RALGAPA2: variants seen among roughly 807,000 people sequenced by gnomAD.
RALGAPA2 encodes the protein ral GTPase-activating protein subunit alpha-2.
RALGAPA2 carries 139 observed loss-of-function variants against 230.4 expected under a neutral mutation model. That is an observed-to-expected ratio of 0.60 (90% CI 0.53 to 0.69). RALGAPA2 has a LOEUF of 0.69. Among genes scored for constraint, RALGAPA2 ranks in the 30% least tolerant of loss-of-function variants. The pLI is 0.00. For missense variants in RALGAPA2, 2,163 were observed against 2,276.0 expected, an observed-to-expected ratio of 0.95 and a Z score of 1.01; for synonymous variants, 847 against 837.8, an observed-to-expected ratio of 1.01 and a Z score of -0.19.
Position 20,639,839 on chromosome 20 carries a change from A to G in RALGAPA2, c.612T>C (p.Ala204=), listed in dbSNP as rs780161558. Residue 204 remains alanine (A), a synonymous_variant, in exon 7 of 40, where the codon GCT becomes GCC. Transcript: ENST00000202677. ...GAAGAAAAAAGCAGGTTTGGTCCTCAGCAATCTTCTCCCCTGATATGGCTG... is the reference window on the plus strand; with the variant it reads ...GAAGAAAAAAGCAGGTTTGGTCCTCGGCAATCTTCTCCCCTGATATGGCTG... The part of the protein sequence containing the change: ...LLPAISGEKI[A]EDQTCFFLQI... The G allele has an allele frequency of 6.2e-7, 1 of 1,613,838 alleles. No individual in the cohort carries two copies. Among genetic ancestry groups the G allele is most frequent in the Non-Finnish European group, 8.5e-7 (1 of 1,179,736 alleles).
intron 1 of RALGAPA2, among the ~76,000 whole-genome samples, chr20:20,698,035 A>G (rs1031958462): frequency 6.6e-6 from 1 of 152,138 alleles, no homozygotes; most frequent in Non-Finnish European, 1.5e-5. Flanking sequence ...AAATGTACTC[A>G]ACATATACTA....
chr20:20,433,322 A>G (rs1027920419), intron 37 of RALGAPA2, among the ~76,000 whole-genome samples: 3 of 152,232 alleles, frequency 2.0e-5, no homozygotes, highest in Non-Finnish European at 4.4e-5. Context: ...TAATTTAACC[A>G]GAGCCCAAAA....
At chr20:20,459,342 G>A (rs530016587) in intron 37 of RALGAPA2, among the ~76,000 whole-genome samples, 1 of 151,530 alleles carries the variant, frequency 6.6e-6, no homozygotes, top group African/African-American at 2.4e-5. Context: ...ATGTCATAAT[G>A]TACTAGTAAA....
At chr20:20,394,406 G>A (rs2328511) in intron 39 of RALGAPA2, among the ~76,000 whole-genome samples, 88,715 of 151,898 alleles carry the variant, frequency 0.58, 26,303 homozygotes, top group East Asian at 0.65. Flanking sequence ...AGCCGGGCGC[G>A]GTGGGCGGAT....
chr20:20,470,036 C>T (rs1569426059), intron 37 of RALGAPA2, among the ~76,000 whole-genome samples: 1 of 152,118 alleles, frequency 6.6e-6, no homozygotes, highest in Non-Finnish European at 1.5e-5. Context: ...AAAGATACCC[C>T]TACTGTGCTT....
At chr20:20,501,937 C>T (rs539098148) in intron 35 of RALGAPA2, among the ~76,000 whole-genome samples, 5 of 152,162 alleles carry the variant, frequency 3.3e-5, no homozygotes, top group Admixed American at 2.0e-4. Flanking sequence ...CAGAACACAC[C>T]GAACATGTAT....
chr20:20,539,640 C>T (rs1459258631), intron 24 of RALGAPA2, among the ~76,000 whole-genome samples: 2 of 152,260 alleles, frequency 1.3e-5, no homozygotes, highest in South Asian at 4.1e-4. Context: ...TTGAGATCTA[C>T]TCTCTTAGCA....
chr20:20,569,729 C>T (rs527481001), intron 23 of RALGAPA2, among the ~76,000 whole-genome samples: 28 of 152,152 alleles, frequency 1.8e-4, no homozygotes, highest in African/African-American at 6.7e-4. Flanking sequence ...CACATCAACA[C>T]ATCTTAAAAT....
At chr20:20,667,580 T>C (rs2067997980) in intron 3 of RALGAPA2, among the ~76,000 whole-genome samples, 1 of 152,224 alleles carries the variant, frequency 6.6e-6, no homozygotes, top group African/African-American at 2.4e-5. Context: ...TTTCTCTGTA[T>C]GTCCTAGAAG....
intron 1 of RALGAPA2, among the ~76,000 whole-genome samples, chr20:20,689,554 A>T (rs2068826869): frequency 6.6e-6 from 1 of 152,210 alleles, no homozygotes. Flanking sequence ...AGGCAGGAGA[A>T]TCACTTGAAC....
intron 10 of RALGAPA2, among the ~76,000 whole-genome samples, chr20:20,626,813 CACTT>C (rs2066502212): frequency 6.6e-6 from 1 of 152,208 alleles, no homozygotes; most frequent in Admixed American, 6.5e-5. Context: ...CAGCCATCCT[CACTT>C]GTTACATGTA....
At chr20:20,615,247 G>A (rs1357064014) in intron 13 of RALGAPA2, among the ~76,000 whole-genome samples, 2 of 148,926 alleles carry the variant, frequency 1.3e-5, no homozygotes, top group Non-Finnish European at 3.0e-5. Context: ...TGCAACCTCC[G>A]CCTTCCGGGT....
intron 31 of RALGAPA2, among the ~76,000 whole-genome samples, chr20:20,515,678 C>T (rs1015201465): frequency 8.5e-5 from 13 of 152,226 alleles, no homozygotes; most frequent in Non-Finnish European, 1.9e-4. Flanking sequence ...TTCTCAGTCT[C>T]CAGCATGAAC....
In RALGAPA2 at chr20:20,536,743, G is replaced by C. The variant is rs2063508056; in HGVS notation, c.3327C>G (p.Val1109=). The C allele has an allele frequency of 1.2e-6, 2 of 1,612,888 alleles. No individual in the cohort carries two copies. Among genetic ancestry groups the C allele is most frequent in the South Asian group, 2.2e-5 (2 of 91,012 alleles). Residue 1109 remains valine (V), a synonymous_variant, in exon 25 of 40, where the codon GTC becomes GTG. Coordinates refer to ENST00000202677, the MANE Select transcript of RALGAPA2 (RefSeq NM_020343.4). ...TCTCCTGGTAGGTATTTGGAAAGCAGACCAGAGAGCCGAGGACAGTGACAG... is the reference window on the plus strand; with the variant it reads ...TCTCCTGGTAGGTATTTGGAAAGCACACCAGAGAGCCGAGGACAGTGACAG... ...SEAVTVLGSL[V]CFPNTYQEIP...
intron 24 of RALGAPA2, among the ~76,000 whole-genome samples, chr20:20,537,680 T>G (rs2063533830): frequency 6.8e-6 from 1 of 147,734 alleles, no homozygotes; most frequent in Non-Finnish European, 1.5e-5. Context: ...CACTAGCAGA[T>G]ATGGTTAGCC....
intron 4 of RALGAPA2, among the ~76,000 whole-genome samples, chr20:20,648,362 G>A (rs2067286350): frequency 6.6e-6 from 1 of 151,966 alleles, no homozygotes. Context: ...AGAAAAGATG[G>A]GAGAGCGGGA....
At chr20:20,623,354 C>T (rs73292795) in intron 10 of RALGAPA2, among the ~76,000 whole-genome samples, 1,542 of 152,102 alleles carry the variant, frequency 0.01, 25 homozygotes, top group African/African-American at 0.035. Flanking sequence ...ATAGACTTTG[C>T]GCCCCTCCTC....
At chr20:20,475,750 T>C (rs2061636507) in intron 36 of RALGAPA2, among the ~76,000 whole-genome samples, 1 of 151,704 alleles carries the variant, frequency 6.6e-6, no homozygotes, top group Admixed American at 6.6e-5. Context: ...ATAAAGAAAA[T>C]TAAGAGAAAG....
At chr20:20,598,021 G>A (rs765682111) in intron 16 of RALGAPA2, among the ~76,000 whole-genome samples, 3 of 152,174 alleles carry the variant, frequency 2.0e-5, no homozygotes, top group Non-Finnish European at 4.4e-5. Flanking sequence ...AAATCCTTCT[G>A]TTGAAGTAAG....
Sources: allele counts gnomAD v4.1 joint callset (sites outside exome capture counted in the v4.1 genomes callset), GRCh38; gene constraint gnomAD v4.1.1; transcripts MANE v1.5; gene names NCBI Gene and HGNC (gene_info 2026-07-23, HGNC 2026-07-21).